The following ARPC1A variants were observed in gnomAD, a reference collection of about 807,000 sequenced individuals.
ARPC1A encodes the protein actin-related protein 2/3 complex subunit 1A.
In ARPC1A, 8 loss-of-function variants were observed where a neutral mutation model predicts 46.9. That is an observed-to-expected ratio of 0.17 (90% CI 0.10 to 0.31). The LOEUF is 0.31. Ranked by LOEUF, ARPC1A falls within the 10% of genes least tolerant of loss-of-function variation. The probability of loss-of-function intolerance (pLI) is 1.00; values close to 1 mark genes in which losing one functional copy is unlikely to be tolerated. For synonymous variants in ARPC1A, 152 were observed against 169.0 expected, an observed-to-expected ratio of 0.90 and a Z score of 0.78; for missense variants, 286 against 483.6, an observed-to-expected ratio of 0.59 and a Z score of 3.83.
chr7:99,348,623 G>A (rs562579916), intron 4 of ARPC1A, among the ~76,000 whole-genome samples: 25 of 152,308 alleles, frequency 1.6e-4, no homozygotes, highest in African/African-American at 5.1e-4. Context: ...CCTGGTGACC[G>A]ACAGAAGAAC....
chr7:99,355,065 G>A (rs1793606829), intron 6 of ARPC1A, among the ~76,000 whole-genome samples: 1 of 149,398 alleles, frequency 6.7e-6, no homozygotes, highest in Non-Finnish European at 1.5e-5. Context: ...AGTGAGCCAA[G>A]ATTGCACCAC....
chr7:99,326,639 T>C (rs149089271), intron 1 of ARPC1A, among the ~76,000 whole-genome samples: 1,618 of 152,380 alleles, frequency 0.011, 22 homozygotes, highest in African/African-American at 0.037. Flanking sequence ...GATGCTTCTC[T>C]GCGCCTGTTT....
chr7:99,336,330 T>C (rs530099227), intron 2 of ARPC1A, among the ~76,000 whole-genome samples: 1 of 152,286 alleles, frequency 6.6e-6, no homozygotes, highest in African/African-American at 2.4e-5. Flanking sequence ...GAAAGCACTC[T>C]TAAGTCCTTA....
intron 8 of ARPC1A, chr7:99,360,050 A>G (rs567822086): frequency 2.1e-5 from 9 of 421,270 alleles, no homozygotes; most frequent in Middle Eastern, 6.9e-4. Flanking sequence ...TTCCTAGGGT[A>G]CCCTTTCTCA....
chr7:99,351,153 G>A (rs1342428845), intron 5 of ARPC1A, among the ~76,000 whole-genome samples: 1 of 152,090 alleles, frequency 6.6e-6, no homozygotes, highest in Non-Finnish European at 1.5e-5. Context: ...TTGGAAAATA[G>A]AACTAGGTGG....
chr7:99,339,900 T>C, intron 3 of ARPC1A: 1 of 440,164 alleles, frequency 2.3e-6, no homozygotes, highest in Non-Finnish European at 4.7e-6. Context: ...CCTCATCAGA[T>C]TGCCATCATT....
chr7:99,344,586 C>T, intron 4 of ARPC1A, 71 bp downstream of exon 4: 1 of 1,455,134 alleles, frequency 6.9e-7, no homozygotes. Flanking sequence ...TGAGGGCTCA[C>T]CATAACTCCA....
intron 3 of ARPC1A, 103 bp from the exon 4 acceptor site, chr7:99,344,190 C>A: frequency 1.9e-6 from 2 of 1,063,190 alleles, no homozygotes; most frequent in East Asian, 2.5e-5. Context: ...AGGAAGGTCC[C>A]AAGACCACGT....
intron 1 of ARPC1A, among the ~76,000 whole-genome samples, chr7:99,331,707 C>T (rs2150857972): frequency 6.6e-6 from 1 of 152,134 alleles, no homozygotes; most frequent in African/African-American, 2.4e-5. Context: ...TCACTTGAGG[C>T]CAGGTGTTCA....
chr7:99,354,263 C>T, intron 6 of ARPC1A, 142 bp downstream of exon 6: 2 of 961,902 alleles, frequency 2.1e-6, no homozygotes, highest in African/African-American at 3.3e-5. Flanking sequence ...TGGCTCACGC[C>T]TGTAATCCCA....
intron 6 of ARPC1A, among the ~76,000 whole-genome samples, chr7:99,356,773 G>A (rs772223456): frequency 5.3e-5 from 8 of 150,712 alleles, no homozygotes; most frequent in Non-Finnish European, 1.2e-4. Flanking sequence ...GGTGGCGGGC[G>A]CTTGTAGTCC....
At chr7:99,348,377 C>T (rs987330293) in intron 4 of ARPC1A, among the ~76,000 whole-genome samples, 1 of 152,152 alleles carries the variant, frequency 6.6e-6, no homozygotes, top group African/African-American at 2.4e-5. Context: ...GTGGAGAAGG[C>T]CTGTTCATGG....
intron 3 of ARPC1A, among the ~76,000 whole-genome samples, chr7:99,340,582 A>G (rs966785520): frequency 6.6e-6 from 1 of 152,196 alleles, no homozygotes; most frequent in African/African-American, 2.4e-5. Flanking sequence ...AGCTGGTACT[A>G]AAGGTGTGCG....
intron 1 of ARPC1A, among the ~76,000 whole-genome samples, chr7:99,329,255 C>G (rs1478125783): frequency 1.3e-5 from 2 of 150,164 alleles, no homozygotes; most frequent in African/African-American, 4.9e-5. Context: ...GAGCCGAGAT[C>G]GTGCCACTGT....
At chr7:99,335,383 G>A (rs1793228426) in intron 2 of ARPC1A, 1 of 436,996 alleles carries the variant, frequency 2.3e-6, no homozygotes, top group African/African-American at 2.1e-5. Context: ...TCAACTGACT[G>A]TAAAGATGAG....
chr7:99,342,111 C>G (rs1167915445), intron 3 of ARPC1A, among the ~76,000 whole-genome samples: 1 of 152,172 alleles, frequency 6.6e-6, no homozygotes, highest in Non-Finnish European at 1.5e-5. Context: ...CTTTTATACC[C>G]ATCACCTGCA....
intron 5 of ARPC1A, among the ~76,000 whole-genome samples, chr7:99,349,308 C>T (rs932788746): frequency 7.9e-5 from 12 of 152,050 alleles, no homozygotes; most frequent in African/African-American, 2.7e-4. Flanking sequence ...AGTGATCCTC[C>T]CTCCTTGGCC....
chr7:99,343,151 T>C (rs1390176560), intron 3 of ARPC1A, among the ~76,000 whole-genome samples: 1 of 152,142 alleles, frequency 6.6e-6, no homozygotes, highest in Non-Finnish European at 1.5e-5. Context: ...TACTTTTTAA[T>C]GTGAAATTAT....
intron 9 of ARPC1A, among the ~76,000 whole-genome samples, chr7:99,365,106 A>G (rs944226227): frequency 2.6e-5 from 4 of 152,250 alleles, no homozygotes; most frequent in African/African-American, 9.6e-5. Context: ...ACTGCCTCTG[A>G]GGCGCTGCCC....
Sources: allele counts gnomAD v4.1 joint callset (sites outside exome capture counted in the v4.1 genomes callset), GRCh38; gene constraint gnomAD v4.1.1; transcripts MANE v1.5; gene names NCBI Gene and HGNC (gene_info 2026-07-23, HGNC 2026-07-21).